The following ZNF440 variants were observed in gnomAD, a reference collection of about 807,000 sequenced individuals.
ZNF440 encodes zinc finger protein 440.
A neutral mutation model predicts 49.7 loss-of-function variants in ZNF440; 47 were observed. That is an observed-to-expected ratio of 0.95 (90% CI 0.75 to 1.21). The LOEUF is 1.21. Ranked by LOEUF, ZNF440 falls within the 50% of genes most tolerant of loss-of-function variation. The pLI is 0.00. For missense variants in ZNF440, 703 were observed against 715.0 expected (o/e 0.98, Z 0.19); for synonymous variants, 255 against 237.7 (o/e 1.07, Z -0.67).
At chr19:11,830,196 C>A (rs1038808453) in intron 1 of ZNF440, 87 bp from the exon 2 acceptor site, 1 of 1,578,310 alleles carries the variant, frequency 6.3e-7, no homozygotes, top group Non-Finnish European at 8.6e-7. Flanking sequence ...GAGTCCACGG[C>A]ATCCTGAGAA....
intron 3 of ZNF440, 113 bp from the exon 4 acceptor site, chr19:11,831,255 C>A (rs1036438539): frequency 2.9e-6 from 4 of 1,375,380 alleles, no homozygotes; most frequent in Non-Finnish European, 3.9e-6. Flanking sequence ...TCAGACAGGG[C>A]AGAAAGCCTA....
rs544980008 is a variant in ZNF440 at position 11,814,300 on chromosome 19, G to A, written c.-148G>A. On this transcript the variant is annotated 5_prime_UTR_variant, in exon 1 of 4. Transcript: ENST00000304060. ...CCTCCGTCCATTCCTTTAGTGCTGC[G>A]CCGACAGCGGTCAGGATCTCGGCTT... is the stretch of plus-strand genomic sequence containing the variant. The A allele has an allele frequency of 8.6e-6, 7 of 813,590 alleles. No homozygotes were observed. The East Asian group carries it at 2.0e-4, about 23-fold the overall frequency. The allele number at this position is 813,590 out of a possible 1,614,324, so 50.4% of individuals were successfully genotyped here.
intron 1 of ZNF440, among the ~76,000 whole-genome samples, chr19:11,821,632 C>T (rs1015193003): frequency 6.6e-6 from 1 of 152,016 alleles, no homozygotes; most frequent in Non-Finnish European, 1.5e-5. Context: ...TTGAGCGCTT[C>T]GGTGAGCAGG....
In ZNF440 at chr19:11,832,277, C is replaced by G. The variant is rs904620875; in HGVS notation, c.1101C>G (p.Pro367=). 1 of 1,613,868 alleles carries G rather than the reference C, an allele frequency of 6.2e-7. No homozygotes were observed. The highest frequency in any genetic ancestry group is 2.2e-5 in the East Asian group (1 of 44,870). The change falls in exon 4 of 4, where the codon CCC becomes CCG. Residue 367 remains proline (P), a synonymous_variant. Coordinates refer to ENST00000304060, the MANE Select transcript of ZNF440 (RefSeq NM_152357.3). ...AAAAAATTCACAGTGGAGAGAAACC[C>G]TATAAATGTAAGCAGTGTGGTAAAG... ...RHEKIHSGEK[P]YKCKQCGKAF... is the part of the protein sequence containing the mutation.
Position 11,830,231 on chromosome 19 carries a change from C to G in ZNF440, c.4-52C>G, listed in dbSNP as rs533020038. ...ACTTCTTGGGAATAGAGTCTAGGCC[C>G]CCAGTGCTGTCACTCTCACCCATCT... On this transcript the variant is annotated intron_variant, in intron 1 of 3. Coordinates refer to ENST00000304060, the MANE Select transcript of ZNF440 (RefSeq NM_152357.3). 4 of 1,611,288 alleles carry G rather than the reference C, an allele frequency of 2.5e-6. 1 individual carries two copies. In the African/African-American group the frequency reaches 5.3e-5, roughly 22 times the overall value.
chr19:11,832,416 C>T lies in ZNF440; in HGVS notation c.1240C>T (p.His414Tyr), dbSNP rs369613510. The T allele has an allele frequency of 7.4e-6, 12 of 1,613,272 alleles. No individual in the cohort carries two copies. The African/African-American group carries it at 1.3e-4, about 18-fold the overall frequency. The change falls in exon 4 of 4, where the codon CAT becomes TAT. Residue 414 changes from histidine (H) to tyrosine (Y), a missense_variant. His to Tyr is a moderately conservative substitution (Grantham distance 83, BLOSUM62 2). Transcript: ENST00000304060. ...AFRSASHLRV[H>Y]GRTHTGEKPY... is the part of the protein sequence containing the mutation. ...CAGATCTGCCTCACACCTTCGAGTG[C>T]ATGGTAGGACTCACACTGGAGAGAA...
At position 11,833,475 on chromosome 19, in the gene ZNF440, C is replaced by T. The variant is rs924101295; in HGVS notation, c.*511C>T. 3 of 349,444 alleles carry T rather than the reference C, an allele frequency of 8.6e-6. No individual in the cohort carries two copies. The highest frequency in any genetic ancestry group is 4.4e-5 in the African/African-American group (2 of 45,806). 21.6% of individuals were successfully genotyped at this position (349,444 alleles called of 1,614,324 possible). On this transcript the variant is annotated 3_prime_UTR_variant, in exon 4 of 4. Coordinates refer to ENST00000304060, the MANE Select transcript of ZNF440 (RefSeq NM_152357.3). ...TTTCATAGACATGAAAAGACTCACA[C>T]TGGAAGGAAACACTATGAATGCAAG...
At chr19:11,821,982 G>A (rs1007006440) in intron 1 of ZNF440, among the ~76,000 whole-genome samples, 5 of 152,218 alleles carry the variant, frequency 3.3e-5, no homozygotes, top group African/African-American at 9.6e-5. Flanking sequence ...ACCAGTAGGT[G>A]GGGAGCAAGA....
intron 1 of ZNF440, among the ~76,000 whole-genome samples, chr19:11,815,327 A>ACACACACACACAC (rs1568237561): frequency 4.4e-5 from 3 of 68,280 alleles, no homozygotes; most frequent in African/African-American, 1.1e-4. Flanking sequence ...CACACACACA[A>ACACACACACACAC]ATTAAATAGG....
In ZNF440 at chr19:11,833,441, C is replaced by G. The variant is rs555149884; in HGVS notation, c.*477C>G. On this transcript the variant is annotated 3_prime_UTR_variant, in exon 4 of 4. Transcript: ENST00000304060. ...AGAATGCAGAAAAGCATTCAGCTTGCCTACTTCCTTTCATAGACATGAAAA... is the reference window on the plus strand; with the variant it reads ...AGAATGCAGAAAAGCATTCAGCTTGGCTACTTCCTTTCATAGACATGAAAA... 2.7e-6 allele frequency: 1 copy of G among 372,470 alleles called. No homozygotes were observed. The highest frequency in any genetic ancestry group is 2.7e-5 in the South Asian group (1 of 37,008). The allele number at this position is 372,470 out of a possible 1,614,324, so 23.1% of individuals were successfully genotyped here. A position where few individuals can be genotyped will look rare whatever the true frequency, so the allele number is the denominator to read the frequency against.
intron 1 of ZNF440, among the ~76,000 whole-genome samples, chr19:11,824,156 C>G (rs375924655): frequency 2.4e-3 from 343 of 140,382 alleles, no homozygotes; most frequent in African/African-American, 9.0e-3. Flanking sequence ...ACACTCCAGC[C>G]TGGGCAACAG....
intron 1 of ZNF440, among the ~76,000 whole-genome samples, chr19:11,815,427 T>G (rs2145112531): frequency 6.6e-6 from 1 of 152,176 alleles, no homozygotes; most frequent in Middle Eastern, 3.4e-3. Context: ...GCGGGAAGGT[T>G]GTTTACAGAA....
rs756237026 is a variant in ZNF440 at position 11,831,665 on chromosome 19, A to G, written c.489A>G (p.Glu163=). ...ACCGCCCCTCCTTTAGAACACAAGA[A>G]AGGGATCACACTGGAGAGAAACCCA... is the stretch of plus-strand genomic sequence containing the variant. ...FRYRPSFRTQ[E]RDHTGEKPNA... is the part of the protein sequence containing the mutation. The change falls in exon 4 of 4, where the codon GAA becomes GAG. Residue 163 remains glutamate (E), a synonymous_variant. Transcript: ENST00000304060. 1.9e-6 allele frequency: 3 copies of G among 1,614,192 alleles called. No homozygotes were observed. The highest frequency in any genetic ancestry group is 2.5e-6 in the Non-Finnish European group (3 of 1,180,026).
At position 11,830,598 on chromosome 19, in the gene ZNF440, T is replaced by C. The variant is rs779590580; in HGVS notation, c.131-19T>C. 2.5e-6 allele frequency: 4 copies of C among 1,613,002 alleles called. No homozygotes were observed. The highest frequency in any genetic ancestry group is 2.2e-5 in the South Asian group (2 of 90,580). ...TTTTATACTGCCTCAGGACTATTTT[T>C]TCTGTGTCTGTATTTTAGGAAAAAG... On this transcript the variant is annotated intron_variant, in intron 2 of 3. Coordinates refer to ENST00000304060, the MANE Select transcript of ZNF440 (RefSeq NM_152357.3).
rs74180041 is a variant in ZNF440 at position 11,825,817 on chromosome 19, C to CT, written c.4-4451dup. The stretch of plus-strand genomic sequence containing the variant: ...TTTTTTTTTTCTTTTCTTTTCTTTT[C>CT]TTTTTTTTTTTTTTTGAGACAGAGT... On this transcript the variant is annotated intron_variant, in intron 1 of 3. Transcript: ENST00000304060. Among the ~76,000 whole-genome samples the CT allele has an allele frequency of 4.3e-3, 568 of 131,444 alleles. 2 individuals carry two copies. Among genetic ancestry groups the CT allele is most frequent in the African/African-American group, 9.8e-3 (336 of 34,346 alleles). 86.2% of individuals were successfully genotyped at this position (131,444 alleles called of 152,430 possible). A position where few individuals can be genotyped will look rare whatever the true frequency, so the allele number is the denominator to read the frequency against.
chr19:11,830,098 GA>G (rs912390736), intron 1 of ZNF440, 184 bp from the exon 2 acceptor site: 1,086 of 1,125,374 alleles, frequency 9.7e-4, no homozygotes, highest in East Asian at 1.6e-3. Context: ...CAACAAGAGT[GA>G]AAAAAAAAAC....
intron 1 of ZNF440, among the ~76,000 whole-genome samples, chr19:11,826,900 G>T (rs2145126305): frequency 6.6e-6 from 1 of 151,948 alleles, no homozygotes; most frequent in East Asian, 1.9e-4. Flanking sequence ...TTGACCTCAG[G>T]TGATCAACCT....
chr19:11,815,284 T>TCACTCACA (rs770849579), intron 1 of ZNF440, among the ~76,000 whole-genome samples: 3 of 121,062 alleles, frequency 2.5e-5, no homozygotes, highest in African/African-American at 9.6e-5. Context: ...GGCAACTCCG[T>TCACTCACA]CACACACACA....
At chr19:11,816,122 T>C in intron 1 of ZNF440, 2 of 168,316 alleles carry the variant, frequency 1.2e-5, no homozygotes, top group East Asian at 1.8e-4. Flanking sequence ...GCAGGGAAAA[T>C]CATGAATCAG....
Sources: allele counts gnomAD v4.1 joint callset (sites outside exome capture counted in the v4.1 genomes callset), GRCh38; gene constraint gnomAD v4.1.1; transcripts MANE v1.5; gene names NCBI Gene and HGNC (gene_info 2026-07-23, HGNC 2026-07-21).